CDX1: variants seen among roughly 807,000 people sequenced by gnomAD.
CDX1 encodes the protein homeobox protein CDX-1.
A neutral mutation model predicts 16.9 loss-of-function variants in CDX1; 9 were observed. The ratio of observed to expected loss-of-function variants is 0.53; its 90% CI spans 0.32 to 0.93. CDX1 has a LOEUF of 0.93. Ranked by LOEUF, CDX1 falls within the 40% of genes least tolerant of loss-of-function variation. CDX1 has a pLI of 0.04. For synonymous variants in CDX1, 179 were observed against 179.0 expected, an observed-to-expected ratio of 1.00 and a Z score of 0.00; for missense variants, 393 against 386.1, an observed-to-expected ratio of 1.02 and a Z score of -0.15.
chr5:150,180,360 A>G (rs895500830), intron 1 of CDX1, among the ~76,000 whole-genome samples: 5 of 152,224 alleles, frequency 3.3e-5, no homozygotes. Flanking sequence ...AGGTCAGTGG[A>G]CATGGAAGCG....
In CDX1 at chr5:150,166,969, C is replaced by A. The variant is rs886377824; in HGVS notation, c.93C>A (p.Gly31=). 5 of 1,454,060 alleles carry A rather than the reference C, an allele frequency of 3.4e-6. No homozygotes were observed. Among genetic ancestry groups the A allele is most frequent in the Non-Finnish European group, 4.5e-6 (5 of 1,106,464 alleles). 90.1% of individuals were successfully genotyped at this position (1,454,060 alleles called of 1,614,324 possible). Residue 31 remains glycine (G), a synonymous_variant, in exon 1 of 3, where the codon GGC becomes GGA. Transcript: ENST00000231656. ...ASLGLGPQAY[G]PPAPPPAPPQ... is the part of the protein sequence containing the mutation. ...TCGGCCTGGGCCCGCAAGCCTACGGCCCCCCGGCCCCGCCCCCGGCGCCCC... is the reference window on the plus strand; with the variant it reads ...TCGGCCTGGGCCCGCAAGCCTACGGACCCCCGGCCCCGCCCCCGGCGCCCC...
At position 150,167,162 on chromosome 5, in the gene CDX1, C is replaced by G; in HGVS notation, c.286C>G (p.Pro96Ala). The change falls in exon 1 of 3, where the codon CCA becomes GCA. Residue 96 changes from proline to alanine, a missense_variant. Physicochemically the swap from Pro to Ala is conservative, Grantham distance 27. Coordinates refer to ENST00000231656, the MANE Select transcript of CDX1 (RefSeq NM_001804.3). ...AGCTTCGCTGGCATTCGGGCCCCCTCCAGACTTTAGCCCGGTGCCGGCGCC... is the reference window on the plus strand; with the variant it reads ...AGCTTCGCTGGCATTCGGGCCCCCTGCAGACTTTAGCCCGGTGCCGGCGCC... ...SPASLAFGPP[P>A]DFSPVPAPPG... is the part of the protein sequence containing the mutation. 7.6e-7 allele frequency: 1 copy of G among 1,308,182 alleles called. No homozygotes were observed. The highest frequency in any genetic ancestry group is 3.2e-5 in the East Asian group (1 of 31,500). The allele number at this position is 1,308,182 out of a possible 1,614,324, so 81.0% of individuals were successfully genotyped here. A position where few individuals can be genotyped will look rare whatever the true frequency, so the allele number is the denominator to read the frequency against.
chr5:150,167,436 C>T (rs1294453985), intron 1 of CDX1, 115 bp downstream of exon 1: 4 of 659,378 alleles, frequency 6.1e-6, no homozygotes, highest in Non-Finnish European at 4.3e-6. Context: ...GGAGTGTGGC[C>T]CTCCTGTCCA....
chr5:150,182,694 G>A, intron 1 of CDX1, 74 bp from the exon 2 acceptor site: 1 of 1,429,108 alleles, frequency 7.0e-7, no homozygotes. Flanking sequence ...TTCCTCCTGG[G>A]GGTCCTGCCT....
intron 1 of CDX1, among the ~76,000 whole-genome samples, chr5:150,167,936 G>A (rs1308513189): frequency 6.6e-6 from 1 of 152,214 alleles, no homozygotes; most frequent in East Asian, 1.9e-4. Context: ...GGGAGCAGTG[G>A]GAAGGGGGGC....
intron 1 of CDX1, among the ~76,000 whole-genome samples, chr5:150,177,240 T>C (rs1465081851): frequency 6.6e-6 from 1 of 152,240 alleles, no homozygotes; most frequent in African/African-American, 2.4e-5. Flanking sequence ...TCAGCTACAA[T>C]AACAAACACA....
chr5:150,166,896 T>C lies in CDX1; in HGVS notation c.20T>C (p.Leu7Pro). 1 of 1,519,382 alleles carries C rather than the reference T, an allele frequency of 6.6e-7. No homozygotes were observed. Among genetic ancestry groups the C allele is most frequent in the Non-Finnish European group, 8.8e-7 (1 of 1,139,288 alleles). The allele number at this position is 1,519,382 out of a possible 1,614,324, so 94.1% of individuals were successfully genotyped here. Residue 7 changes from leucine to proline, a missense_variant, in exon 1 of 3, where the codon CTG becomes CCG. Leu to Pro is a moderately conservative substitution (Grantham distance 98). Transcript: ENST00000231656. MYVGYV[L>P]DKDSPVYPGP... ...GCCACCATGTATGTGGGCTATGTGC[T>C]GGACAAGGATTCGCCCGTGTACCCC...
intron 1 of CDX1, among the ~76,000 whole-genome samples, chr5:150,173,749 G>A (rs575148686): frequency 9.2e-5 from 14 of 152,218 alleles, no homozygotes; most frequent in African/African-American, 2.9e-4. Flanking sequence ...TTCTGTCCCC[G>A]GAACAGCACA....
chr5:150,174,265 G>A (rs1439851656), intron 1 of CDX1, among the ~76,000 whole-genome samples: 1 of 152,374 alleles, frequency 6.6e-6, no homozygotes, highest in Admixed American at 6.5e-5. Flanking sequence ...GGCCAGGGGG[G>A]CAGTGGCCTG....
intron 1 of CDX1, among the ~76,000 whole-genome samples, chr5:150,175,113 T>TATC (rs1020927685): frequency 2.6e-4 from 39 of 152,272 alleles, no homozygotes; most frequent in African/African-American, 9.1e-4. Flanking sequence ...GTCTCTGTAG[T>TATC]ATCATCATCA....
intron 1 of CDX1, among the ~76,000 whole-genome samples, chr5:150,176,155 AAGT>A (rs1761566255): frequency 6.6e-6 from 1 of 152,166 alleles, no homozygotes; most frequent in Non-Finnish European, 1.5e-5. Context: ...CCCTCACCAG[AAGT>A]GCCACCACCT....
intron 1 of CDX1, among the ~76,000 whole-genome samples, chr5:150,181,784 C>T (rs1040716527): frequency 6.6e-6 from 1 of 152,218 alleles, no homozygotes; most frequent in Non-Finnish European, 1.5e-5. Context: ...TCATCTCCCT[C>T]CCCTAGAAGC....
Position 150,166,925 on chromosome 5 carries a change from C to G in CDX1, c.49C>G (p.Pro17Ala). 6.6e-7 allele frequency: 1 copy of G among 1,505,952 alleles called. No homozygotes were observed. The highest frequency in any genetic ancestry group is 8.8e-7 in the Non-Finnish European group (1 of 1,134,768). 93.3% of individuals were successfully genotyped at this position (1,505,952 alleles called of 1,614,324 possible). A position where few individuals can be genotyped will look rare whatever the true frequency, so the allele number is the denominator to read the frequency against. Reference protein sequence around the residue: ...LDKDSPVYPGPARPASLGLGP... With the variant: ...LDKDSPVYPGAARPASLGLGP... ...CAAGGATTCGCCCGTGTACCCCGGC[C>G]CAGCCAGGCCAGCCAGCCTCGGCCT... Residue 17 changes from proline (P) to alanine (A), a missense_variant, in exon 1 of 3, where the codon CCA becomes GCA. By Grantham distance (27) the Pro-to-Ala change is conservative (BLOSUM62 -1). Coordinates refer to ENST00000231656, the MANE Select transcript of CDX1 (RefSeq NM_001804.3).
intron 1 of CDX1, among the ~76,000 whole-genome samples, chr5:150,174,205 C>T (rs1043468256): frequency 3.3e-5 from 5 of 152,198 alleles, no homozygotes; most frequent in South Asian, 2.1e-4. Flanking sequence ...GGAGCCACAC[C>T]TACAGTGGAG....
rs1181152650 is a variant in CDX1 at position 150,183,580 on chromosome 5, C to T, written c.698C>T (p.Ala233Val). The change falls in exon 3 of 3, where the codon GCC (alanine) becomes GTC (valine). Residue 233 changes from alanine (A) to valine (V), a missense_variant. Transcript: ENST00000231656. Reference sequence around the variant, plus strand: ...CCGCCGATGGCCCACGACATCACGGCCACCCCAGCCGGGCCATCCCTGGGG... The same window carrying T: ...CCGCCGATGGCCCACGACATCACGGTCACCCCAGCCGGGCCATCCCTGGGG... The part of the protein sequence containing the change: ...PQPPMAHDIT[A>V]TPAGPSLGGL... The T allele has an allele frequency of 1.2e-6, 2 of 1,610,904 alleles. No individual in the cohort carries two copies. The highest frequency in any genetic ancestry group is 1.7e-6 in the Non-Finnish European group (2 of 1,177,856).
intron 1 of CDX1, among the ~76,000 whole-genome samples, chr5:150,170,018 T>G (rs976096620): frequency 3.9e-5 from 6 of 152,342 alleles, no homozygotes; most frequent in Non-Finnish European, 7.4e-5. Context: ...TCTACAAGAC[T>G]ACAGCATTTG....
At chr5:150,179,409 T>C (rs550830218) in intron 1 of CDX1, among the ~76,000 whole-genome samples, 1 of 152,212 alleles carries the variant, frequency 6.6e-6, no homozygotes, top group East Asian at 1.9e-4. Flanking sequence ...CTAAACCCTA[T>C]CTCCATCTGG....
intron 1 of CDX1, among the ~76,000 whole-genome samples, chr5:150,181,713 T>A (rs1000471555): frequency 1.3e-5 from 2 of 152,184 alleles, no homozygotes; most frequent in African/African-American, 2.4e-5. Context: ...CCCTGCCTCC[T>A]TTTCTTCTGA....
In CDX1 at chr5:150,171,345, C is replaced by CT. The variant is rs780041575; in HGVS notation, c.445+4032dup. Among the ~76,000 whole-genome samples, 255 of 152,040 alleles carry CT rather than the reference C, an allele frequency of 1.7e-3. 1 individual carries two copies. The highest frequency in any genetic ancestry group is 5.3e-3 in the African/African-American group (222 of 41,500). ...TTTCATTTTATGCCATTTCTTTTTT[C>CT]TTTTTTTTGAGACAGAATCTTGCTA... On this transcript the variant is annotated intron_variant, in intron 1 of 2. Coordinates refer to ENST00000231656, the MANE Select transcript of CDX1 (RefSeq NM_001804.3).
Sources: allele counts gnomAD v4.1 joint callset (sites outside exome capture counted in the v4.1 genomes callset), GRCh38; gene constraint gnomAD v4.1.1; transcripts MANE v1.5; gene names NCBI Gene and HGNC (gene_info 2026-07-23, HGNC 2026-07-21).